SH3BP2: variants seen among roughly 807,000 people sequenced by gnomAD.
SH3BP2 encodes the protein SH3 domain binding protein 2.
Under a neutral mutation model 56.2 loss-of-function variants are expected in SH3BP2, and 38 were observed. The observed-to-expected ratio is 0.68, with a 90% CI of 0.52 to 0.89. SH3BP2 has a LOEUF of 0.89. SH3BP2 is among the 40% of genes least tolerant of loss of function. The pLI, the probability that SH3BP2 is intolerant of heterozygous loss-of-function variation, is 0.00. For synonymous variants in SH3BP2, 346 were observed against 316.7 expected, an observed-to-expected ratio of 1.09 and a Z score of -0.98; for missense variants, 748 against 762.6, an observed-to-expected ratio of 0.98 and a Z score of 0.23.
chr4:2,811,972 G>C (rs1215381198), intron 1 of SH3BP2: 1 of 303,898 alleles, frequency 3.3e-6, no homozygotes, highest in African/African-American at 2.2e-5. Flanking sequence ...GGTGCAGGTT[G>C]TTTCATGGTT....
chr4:2,820,256 C>T (rs1196165688), intron 1 of SH3BP2, among the ~76,000 whole-genome samples: 3 of 152,216 alleles, frequency 2.0e-5, no homozygotes, highest in Non-Finnish European at 4.4e-5. Context: ...TCTCACTTAC[C>T]TGGGCTGGCA....
chr4:2,812,673 C>T (rs112000812), intron 1 of SH3BP2, among the ~76,000 whole-genome samples: 1 of 152,180 alleles, frequency 6.6e-6, no homozygotes, highest in South Asian at 2.1e-4. Context: ...GAGAGGCCCC[C>T]GAGCTGGCAG....
At position 2,810,507 on chromosome 4, in the gene SH3BP2, C is replaced by T. The variant is rs1210975121; in HGVS notation, c.-4-10107C>T. On this transcript the variant is annotated intron_variant, in intron 1 of 12. Transcript: ENST00000503393. The surrounding 1 kb of genome is among the most constrained non-coding windows in gnomAD (Gnocchi z 4.2). ...TTGTCCGCTCTTGCATTTGCCTGCC[C>T]AGTAAGGGGTGGCGTGTTCCTGAGA... 9.9e-5 allele frequency among the ~76,000 whole-genome samples: 15 copies of T among 151,818 alleles called. No individual in the cohort carries two copies.
At chr4:2,823,906 G>C (rs969009451) in intron 3 of SH3BP2, among the ~76,000 whole-genome samples, 1 of 152,224 alleles carries the variant, frequency 6.6e-6, no homozygotes, top group Non-Finnish European at 1.5e-5. Flanking sequence ...TGCTGGCACA[G>C]AGCTCCGGGG....
At chr4:2,828,184 C>T (rs1235528537) in intron 7 of SH3BP2, among the ~76,000 whole-genome samples, 2 of 152,056 alleles carry the variant, frequency 1.3e-5, no homozygotes, top group Non-Finnish European at 2.9e-5. Flanking sequence ...TGTCTCTGTC[C>T]TCCTCTGTCG....
At chr4:2,812,611 C>G in intron 1 of SH3BP2, 1 of 1,198,510 alleles carries the variant, frequency 8.3e-7, no homozygotes, top group Non-Finnish European at 1.2e-6. Flanking sequence ...GGAGGTGGCC[C>G]TGAGCCTGCA....
chr4:2,827,388 G>A, intron 6 of SH3BP2, 70 bp downstream of exon 6: 1 of 1,423,828 alleles, frequency 7.0e-7, no homozygotes, highest in Admixed American at 1.7e-5. Flanking sequence ...CCGCTGTGGA[G>A]GAGAGGGAGG....
rs1725409567 is a variant in SH3BP2, at chr4:2,841,090, T to C, written c.*7256T>C. The C allele has an allele frequency of 6.6e-6, 1 of 152,206 alleles. No individual in the cohort carries two copies. The highest frequency in any genetic ancestry group is 2.4e-5 in the African/African-American group (1 of 41,432). 9.4% of individuals were successfully genotyped at this position (152,206 alleles called of 1,614,324 possible). A position where few individuals can be genotyped will look rare whatever the true frequency, so the allele number is the denominator to read the frequency against. On this transcript the variant is annotated 3_prime_UTR_variant, in exon 13 of 13. Transcript: ENST00000503393. Reference sequence around the variant, plus strand: ...TGTAATTAAATCTACCATCTTATTTTATGCTACATATTGTCTCACTTGTGT... The same window carrying C: ...TGTAATTAAATCTACCATCTTATTTCATGCTACATATTGTCTCACTTGTGT...
At chr4:2,832,908 C>T (rs1168907432) in intron 11 of SH3BP2, 82 bp from the exon 12 acceptor site, 4 of 1,406,104 alleles carry the variant, frequency 2.8e-6, no homozygotes, top group East Asian at 2.3e-5. Flanking sequence ...TGGTTCTGCC[C>T]CCCTATCCCC....
At chr4:2,802,558 ATATATGTATATATGTG>A (rs1723341820) in intron 1 of SH3BP2, among the ~76,000 whole-genome samples, 2 of 134,440 alleles carry the variant, frequency 1.5e-5, no homozygotes, top group Admixed American at 1.5e-4. Context: ...ATATATGTGT[ATATATGTATATATGTG>A]TATATGTATA....
chr4:2,826,687 T>C, intron 5 of SH3BP2: 2 of 354,600 alleles, frequency 5.6e-6, no homozygotes, highest in East Asian at 1.5e-4. Flanking sequence ...CATGTCCTCA[T>C]GTTGCTCTGT....
chr4:2,798,956 G>T (rs903722808), intron 1 of SH3BP2: 14 of 984,058 alleles, frequency 1.4e-5, no homozygotes, highest in South Asian at 4.7e-5. Flanking sequence ...CAGCTGCTGG[G>T]GCGGGGTGTG....
rs2269485 is a variant in SH3BP2 at position 2,827,350 on chromosome 4, T to C, written c.517+32T>C. The C allele has an allele frequency of 0.73, 1,164,709 of 1,592,024 alleles. 430,052 individuals are homozygous for C. Among genetic ancestry groups the C allele is most frequent in the African/African-American group, 0.92 (68,549 of 74,516 alleles). On this transcript the variant is annotated intron_variant, in intron 6 of 12. Transcript: ENST00000503393. ...TCTTTCTCCGCATCCACTGCCCGTT[T>C]GCCTCTCCCCACCTGGCCTCCTCTT...
chr4:2,810,594 C>T lies in SH3BP2; in HGVS notation c.-4-10020C>T, dbSNP rs777418242. Among the ~76,000 whole-genome samples, 21 of 151,926 alleles carry T rather than the reference C, an allele frequency of 1.4e-4. No individual in the cohort carries two copies. The highest frequency in any genetic ancestry group is 2.5e-4 in the Non-Finnish European group (17 of 67,970). On this transcript the variant is annotated intron_variant, in intron 1 of 12. Transcript: ENST00000503393. This position sits in a 1 kb window ranked among gnomAD's most constrained non-coding sequence, Gnocchi z 4.2. ...GTCATCCCTGAAGCTGTGCGTTGGC[C>T]ACCTCATTGCCTGTGGATTCCTCCC...
rs1723321062 is a variant in SH3BP2, at chr4:2,802,404, A to ATGTATG, written c.-5+9269_-5+9270insATGTGT. Among the ~76,000 whole-genome samples, 5 of 135,976 alleles carry ATGTATG rather than the reference A, an allele frequency of 3.7e-5. No individual in the cohort carries two copies. In the South Asian group the frequency reaches 9.5e-4, roughly 26 times the overall value. 89.2% of individuals were successfully genotyped at this position (135,976 alleles called of 152,430 possible). A position where few individuals can be genotyped will look rare whatever the true frequency, so the allele number is the denominator to read the frequency against. On this transcript the variant is annotated intron_variant, in intron 1 of 12. Transcript: ENST00000503393. Reference sequence around the variant, plus strand: ...GTGAGACTCTGTCTCAAAAAAATATATGTGTGTGTGTGTGTGTGTGTGTGT... The same window carrying ATGTATG: ...GTGAGACTCTGTCTCAAAAAAATATATGTATGTGTGTGTGTGTGTGTGTGTGTGTGT...
intron 1 of SH3BP2, chr4:2,812,347 C>T: frequency 6.5e-7 from 1 of 1,550,124 alleles, no homozygotes; most frequent in Non-Finnish European, 8.7e-7. Flanking sequence ...CGCGTCAGGC[C>T]TCACATGTCT....
At chr4:2,821,062 C>T (rs570577247) in intron 2 of SH3BP2, among the ~76,000 whole-genome samples, 1 of 152,160 alleles carries the variant, frequency 6.6e-6, no homozygotes, top group South Asian at 2.1e-4. Flanking sequence ...TCACTGAATC[C>T]GTGAATGTTC....
intron 1 of SH3BP2, chr4:2,812,536 G>C (rs1723795721): frequency 1.3e-6 from 2 of 1,521,176 alleles, no homozygotes; most frequent in Non-Finnish European, 1.8e-6. Context: ...AGCACCTGAA[G>C]AACCAGTAAG....
chr4:2,796,881 G>A (rs773121302), intron 1 of SH3BP2, among the ~76,000 whole-genome samples: 5 of 152,212 alleles, frequency 3.3e-5, no homozygotes, highest in South Asian at 2.1e-4. Context: ...CGAGGGAAGC[G>A]GCACAGAGCT....
Sources: gnomAD v4.1 joint callset for allele counts (sites outside exome capture counted in the v4.1 genomes callset) on GRCh38, gnomAD v4.1.1 for gene constraint, Gnocchi (gnomAD v3.1) non-coding constraint, MANE v1.5 for transcripts, NCBI Gene and HGNC (gene_info 2026-07-23, HGNC 2026-07-21) for gene names.